ST18: variants seen among roughly 807,000 people sequenced by gnomAD.
ST18 encodes the protein ST18 C2H2C-type zinc finger transcription factor.
A neutral mutation model predicts 110.0 loss-of-function variants in ST18; 50 were observed. The observed-to-expected ratio is 0.45, with a 90% CI of 0.36 to 0.58. The LOEUF is 0.58. ST18 is among the 20% of genes least tolerant of loss of function. The pLI is 0.00. For synonymous variants in ST18, 461 were observed against 452.4 expected (o/e 1.02, Z -0.24); for missense variants, 1,306 against 1,280.1 (o/e 1.02, Z -0.31).
At chr8:52,385,989 T>A (rs1836571722) in intron 2 of ST18, among the ~76,000 whole-genome samples, 1 of 152,136 alleles carries the variant, frequency 6.6e-6, no homozygotes, top group African/African-American at 2.4e-5. Context: ...TCCTATTTCA[T>A]CACACCCTCT....
At chr8:52,187,226 A>G (rs1271915486) in intron 8 of ST18, among the ~76,000 whole-genome samples, 3 of 152,190 alleles carry the variant, frequency 2.0e-5, no homozygotes, top group African/African-American at 7.2e-5. Context: ...AGTACTTGCA[A>G]TGTGCCAGGG....
Position 52,347,171 on chromosome 8 carries a change from TAGTA to T in ST18, c.-465+62153_-465+62156del, listed in dbSNP as rs889287379. Among the ~76,000 whole-genome samples, 5 of 152,148 alleles carry T rather than the reference TAGTA, an allele frequency of 3.3e-5. No individual in the cohort carries two copies. The South Asian group carries it at 1.0e-3, about 32-fold the overall frequency. ...ATTTGTAAGGTTATGGTGACATAAA[TAGTA>T]AGTAAGAAATAATAAGTAAGAAGTA... On this transcript the variant is annotated intron_variant, in intron 2 of 25. Transcript: ENST00000689386.
At chr8:52,178,096 G>A (rs1017447232) in intron 9 of ST18, among the ~76,000 whole-genome samples, 1 of 152,076 alleles carries the variant, frequency 6.6e-6, no homozygotes, top group Admixed American at 6.6e-5. Flanking sequence ...TATTCACTTG[G>A]TTCATATCAA....
chr8:52,400,410 T>C (rs1183006785), intron 2 of ST18, among the ~76,000 whole-genome samples: 1 of 152,138 alleles, frequency 6.6e-6, no homozygotes, highest in Non-Finnish European at 1.5e-5. Flanking sequence ...CATTCAGTTA[T>C]TATTGATAAT....
intron 8 of ST18, among the ~76,000 whole-genome samples, chr8:52,196,418 T>C (rs1347030459): frequency 1.3e-5 from 2 of 152,308 alleles, no homozygotes; most frequent in Non-Finnish European, 2.9e-5. Context: ...ATCCTCTGTT[T>C]TTATTTGGCG....
intron 2 of ST18, among the ~76,000 whole-genome samples, chr8:52,309,448 G>A (rs937022552): frequency 3.4e-5 from 5 of 145,558 alleles, no homozygotes; most frequent in Non-Finnish European, 7.5e-5. Flanking sequence ...TTGAACCTGG[G>A]AAGTGGAGTT....
At chr8:52,280,659 A>G (rs568361844) in intron 2 of ST18, among the ~76,000 whole-genome samples, 1 of 152,068 alleles carries the variant, frequency 6.6e-6, no homozygotes, top group Non-Finnish European at 1.5e-5. Flanking sequence ...TAATGACAAA[A>G]TTTTTCGTTT....
At chr8:52,257,563 T>C (rs563777349) in intron 2 of ST18, among the ~76,000 whole-genome samples, 2 of 152,330 alleles carry the variant, frequency 1.3e-5, no homozygotes, top group Admixed American at 1.3e-4. Context: ...CATGTGCTTA[T>C]TGATTATTTG....
At chr8:52,316,013 A>G (rs16917658) in intron 2 of ST18, among the ~76,000 whole-genome samples, 2,495 of 152,334 alleles carry the variant, frequency 0.016, 58 homozygotes, top group African/African-American at 0.057. Flanking sequence ...ATACACATAA[A>G]TGGACCCATT....
intron 2 of ST18, among the ~76,000 whole-genome samples, chr8:52,390,440 T>C (rs1838911043): frequency 2.6e-5 from 4 of 152,106 alleles, no homozygotes; most frequent in Admixed American, 2.6e-4. Context: ...GTGGACAAGA[T>C]GCATTTAAAC....
At chr8:52,129,470 A>AAAG (rs1225873738) in intron 22 of ST18, among the ~76,000 whole-genome samples, 2 of 151,106 alleles carry the variant, frequency 1.3e-5, no homozygotes, top group African/African-American at 4.9e-5. Flanking sequence ...AAAAAAAAAA[A>AAAG]AAAGAAAGAA....
intron 8 of ST18, among the ~76,000 whole-genome samples, chr8:52,192,487 A>G (rs2074861938): frequency 1.3e-5 from 2 of 152,194 alleles, no homozygotes; most frequent in African/African-American, 4.8e-5. Flanking sequence ...CACTGATACT[A>G]TCACACACCA....
intron 2 of ST18, among the ~76,000 whole-genome samples, chr8:52,385,905 A>T (rs549727390): frequency 6.6e-6 from 1 of 151,282 alleles, no homozygotes; most frequent in East Asian, 1.9e-4. Flanking sequence ...AATAAGGAAA[A>T]CCTCTCACTC....
chr8:52,182,438 C>T (rs182700799), intron 8 of ST18, among the ~76,000 whole-genome samples: 1 of 152,282 alleles, frequency 6.6e-6, no homozygotes, highest in East Asian at 1.9e-4. Flanking sequence ...GTGGTGCATA[C>T]ATACAATGAA....
In ST18 at chr8:52,111,217, A is replaced by G. The variant is rs1267214782; in HGVS notation, c.*1981T>C. On this transcript the variant is annotated 3_prime_UTR_variant, in exon 26 of 26. Coordinates refer to ENST00000689386, the MANE Select transcript of ST18 (RefSeq NM_001352837.2). The stretch of plus-strand genomic sequence containing the variant: ...GTAAGAGATTTCTTTTAAATTAAAT[A>G]AAATATATAACAAACTTGTTAAAAT... 2 of 366,118 alleles carry G rather than the reference A, an allele frequency of 5.5e-6. No individual in the cohort carries two copies. 22.7% of individuals were successfully genotyped at this position (366,118 alleles called of 1,614,324 possible).
At chr8:52,165,027 C>T (rs2133367661) in intron 12 of ST18, 108 bp downstream of exon 12, 1 of 1,012,192 alleles carries the variant, frequency 9.9e-7, no homozygotes, top group South Asian at 1.4e-5. Flanking sequence ...ACATATTGGA[C>T]AGTGATGCAG....
intron 2 of ST18, among the ~76,000 whole-genome samples, chr8:52,365,841 G>A (rs1348023411): frequency 6.6e-6 from 1 of 151,880 alleles, no homozygotes; most frequent in Admixed American, 6.6e-5. Flanking sequence ...TTGGACTACA[G>A]GTGCATGCTA....
At chr8:52,137,364 G>A in intron 18 of ST18, 57 bp downstream of exon 18, 2 of 1,568,990 alleles carry the variant, frequency 1.3e-6, no homozygotes, top group Admixed American at 1.7e-5. Flanking sequence ...GTGAGAATAA[G>A]TATTTAAAAT....
chr8:52,380,430 G>A (rs974148286), intron 2 of ST18, among the ~76,000 whole-genome samples: 1 of 152,070 alleles, frequency 6.6e-6, no homozygotes, highest in Non-Finnish European at 1.5e-5. Flanking sequence ...TAAGTTTGGG[G>A]GGAGTGGAAA....
Sources: gnomAD v4.1 joint callset for allele counts (sites outside exome capture counted in the v4.1 genomes callset) on GRCh38, gnomAD v4.1.1 for gene constraint, MANE v1.5 for transcripts, NCBI Gene and HGNC (gene_info 2026-07-23, HGNC 2026-07-21) for gene names.